The following MYO16 variants were observed in gnomAD, a reference collection of about 807,000 sequenced individuals.
MYO16 encodes unconventional myosin-XVI.
A neutral mutation model predicts 205.3 loss-of-function variants in MYO16; 94 were observed. The ratio of observed to expected loss-of-function variants is 0.46; its 90% CI spans 0.39 to 0.54. MYO16 has a LOEUF of 0.54. Among genes scored for constraint, MYO16 ranks in the 20% least tolerant of loss-of-function variants. The probability of loss-of-function intolerance (pLI) is 0.00; values close to 1 mark genes in which losing one functional copy is unlikely to be tolerated. For missense variants in MYO16, 2,315 were observed against 2,387.5 expected (o/e 0.97, Z 0.63); for synonymous variants, 988 against 954.0 (o/e 1.04, Z -0.66).
chr13:108,587,737 C>T, the MYO16 span, among the ~76,000 whole-genome samples: 2 of 152,034 alleles, frequency 1.3e-5, no homozygotes, highest in Non-Finnish European at 2.9e-5. Flanking sequence ...GAAGATTCTC[C>T]TCAAGAAGGG....
chr13:108,835,218 AT>A (rs1876844088), intron 9 of MYO16, among the ~76,000 whole-genome samples: 1 of 152,190 alleles, frequency 6.6e-6, no homozygotes, highest in Non-Finnish European at 1.5e-5. Context: ...TAATTGAATC[AT>A]GAGGACAGTT....
At chr13:108,781,918 C>T (rs2093529) in intron 4 of MYO16, among the ~76,000 whole-genome samples, 40 of 152,068 alleles carry the variant, frequency 2.6e-4, no homozygotes, top group South Asian at 2.1e-4. Flanking sequence ...ATGATTCTGA[C>T]GCCTCCCCAG....
At chr13:109,174,804 T>G (rs1365376868) in intron 33 of MYO16, among the ~76,000 whole-genome samples, 2 of 139,898 alleles carry the variant, frequency 1.4e-5, no homozygotes, top group Non-Finnish European at 3.0e-5. Flanking sequence ...CAGGCTGGAG[T>G]GCAGTGGCAC....
intron 27 of MYO16, among the ~76,000 whole-genome samples, chr13:109,066,946 TACTCTACCA>T (rs1294771244): frequency 6.6e-6 from 1 of 151,132 alleles, no homozygotes; most frequent in Non-Finnish European, 1.5e-5. Flanking sequence ...TCCTAATTTC[TACTCTACCA>T]AGTGGTATGA....
At chr13:108,688,317 G>A (rs183170121) in intron 2 of MYO16, among the ~76,000 whole-genome samples, 13 of 152,240 alleles carry the variant, frequency 8.5e-5, no homozygotes, top group African/African-American at 3.1e-4. Flanking sequence ...AGTCGGAAAC[G>A]TTAACTAAAC....
intron 2 of MYO16, among the ~76,000 whole-genome samples, chr13:108,700,022 G>A (rs745547743): frequency 6.6e-6 from 1 of 151,940 alleles, no homozygotes; most frequent in Non-Finnish European, 1.5e-5. Context: ...ATTAATCAAA[G>A]GCTTCCAACA....
At chr13:109,040,888 A>T (rs991307887) in intron 23 of MYO16, among the ~76,000 whole-genome samples, 1 of 152,176 alleles carries the variant, frequency 6.6e-6, no homozygotes, top group Admixed American at 6.5e-5. Context: ...AAGGACATAA[A>T]AGGCAAACAG....
chr13:108,621,997 A>G (rs1879561479), intron 1 of MYO16, among the ~76,000 whole-genome samples: 1 of 152,126 alleles, frequency 6.6e-6, no homozygotes, highest in South Asian at 2.1e-4. Context: ...ATAGGGCTCC[A>G]TATTATCTGT....
chr13:108,843,854 ATAT>A (rs1380938916), intron 9 of MYO16, among the ~76,000 whole-genome samples: 1 of 152,140 alleles, frequency 6.6e-6, no homozygotes, highest in Non-Finnish European at 1.5e-5. Context: ...GTCCTTAAAG[ATAT>A]TATTATTTTT....
rs140485942 is a variant in MYO16, at chr13:108,926,938, A to G, written c.1925+16788A>G. Reference sequence around the variant, plus strand: ...TCTGTTTAGGCTACAGGCACTGTCAACTGTGATAAATACTAAAATGAATTT... The same window carrying G: ...TCTGTTTAGGCTACAGGCACTGTCAGCTGTGATAAATACTAAAATGAATTT... On this transcript the variant is annotated intron_variant, in intron 16 of 34. Transcript: ENST00000457511. 3.8e-3 allele frequency among the ~76,000 whole-genome samples: 585 copies of G among 152,316 alleles called. 3 individuals carry two copies. The highest frequency in any genetic ancestry group is 0.013 in the African/African-American group (536 of 41,558).
At chr13:108,943,343 A>G (rs113625315) in intron 16 of MYO16, among the ~76,000 whole-genome samples, 58 of 152,380 alleles carry the variant, frequency 3.8e-4, no homozygotes, top group African/African-American at 1.2e-3. Flanking sequence ...ACATTTCATT[A>G]GACCCTACGA....
intron 4 of MYO16, among the ~76,000 whole-genome samples, chr13:108,740,239 G>C (rs1464286594): frequency 6.7e-6 from 1 of 149,456 alleles, no homozygotes. Flanking sequence ...CAGCTTTTTG[G>C]CTCTGTTTTT....
intron 1 of MYO16, among the ~76,000 whole-genome samples, chr13:108,597,135 C>G (rs1053877797): frequency 4.6e-5 from 7 of 152,178 alleles, no homozygotes; most frequent in Admixed American, 4.6e-4. Flanking sequence ...GCTTCCTTTA[C>G]TCAGATGTTA....
intron 34 of MYO16, among the ~76,000 whole-genome samples, chr13:109,197,196 AC>A (rs1880196778): frequency 6.6e-6 from 1 of 152,140 alleles, no homozygotes. Flanking sequence ...GACCACCCAC[AC>A]CCCATGTGAT....
intron 34 of MYO16, among the ~76,000 whole-genome samples, chr13:109,195,137 G>A (rs1880097564): frequency 6.6e-6 from 1 of 151,544 alleles, no homozygotes; most frequent in African/African-American, 2.4e-5. Flanking sequence ...TTTTTTTTAA[G>A]AAATTAAAGC....
At chr13:108,666,299 GA>G in intron 2 of MYO16, 150 bp downstream of exon 2, 7 of 889,182 alleles carry the variant, frequency 7.9e-6, no homozygotes, top group Non-Finnish European at 1.1e-5. Context: ...TATTATTCAA[GA>G]AAAAAATGCT....
chr13:108,574,752 A>T, the MYO16 span, among the ~76,000 whole-genome samples: 1 of 151,318 alleles, frequency 6.6e-6, no homozygotes, highest in Non-Finnish European at 1.5e-5. Context: ...AGAATAAGAG[A>T]TTCTTTTTTA....
intron 29 of MYO16, among the ~76,000 whole-genome samples, chr13:109,121,014 A>G (rs9521182): frequency 0.21 from 31,852 of 152,084 alleles, 4,107 homozygotes; most frequent in East Asian, 0.6. Context: ...CTACCACTGC[A>G]CAGCAACCTG....
At chr13:108,690,509 G>A (rs1369475787) in intron 2 of MYO16, among the ~76,000 whole-genome samples, 2 of 151,454 alleles carry the variant, frequency 1.3e-5, no homozygotes, top group Non-Finnish European at 2.9e-5. Flanking sequence ...GTATTCATAA[G>A]TTTAACATGA....
Sources: allele counts gnomAD v4.1 joint callset (sites outside exome capture counted in the v4.1 genomes callset), GRCh38; gene constraint gnomAD v4.1.1; transcripts MANE v1.5; gene names NCBI Gene and HGNC (gene_info 2026-07-23, HGNC 2026-07-21).